Variants in EFNA5 observed in about 807,000 individuals in gnomAD.
EFNA5 encodes the protein ephrin-A5.
In EFNA5, 5 loss-of-function variants were observed where a neutral mutation model predicts 22.9. The ratio of observed to expected loss-of-function variants is 0.22; its 90% CI spans 0.11 to 0.46. EFNA5 has a LOEUF of 0.46. EFNA5 is among the 20% of genes least tolerant of loss of function. The pLI is 0.99. For missense variants in EFNA5, 237 were observed against 293.3 expected (o/e 0.81, Z 1.40); for synonymous variants, 113 against 112.2 (o/e 1.01, Z -0.04).
At chr5:107,611,404 C>T (rs1398714510) in intron 1 of EFNA5, among the ~76,000 whole-genome samples, 2 of 152,162 alleles carry the variant, frequency 1.3e-5, no homozygotes, top group East Asian at 3.8e-4. Context: ...CCCACAAAAA[C>T]CTATGTTTGT....
At chr5:107,510,162 T>C (rs1252634604) in intron 1 of EFNA5, among the ~76,000 whole-genome samples, 1 of 152,208 alleles carries the variant, frequency 6.6e-6, no homozygotes, top group Non-Finnish European at 1.5e-5. Flanking sequence ...AAAACCAAGA[T>C]GGCCATGAAT....
At chr5:107,436,544 C>A (rs1749115120) in intron 1 of EFNA5, among the ~76,000 whole-genome samples, 1 of 152,170 alleles carries the variant, frequency 6.6e-6, no homozygotes, top group Non-Finnish European at 1.5e-5. Context: ...AGACGTCACT[C>A]CCACAATGCA....
chr5:107,540,288 A>T (rs78581822), intron 1 of EFNA5, among the ~76,000 whole-genome samples: 2,412 of 152,344 alleles, frequency 0.016, 65 homozygotes, highest in African/African-American at 0.055. Context: ...ATTCTAATGT[A>T]TAATCTAAAA....
rs897987874 is a variant in EFNA5 at position 107,670,554 on chromosome 5, G to A, written c.60C>T (p.Ser20=). 2 of 1,597,720 alleles carry A rather than the reference G, an allele frequency of 1.3e-6. No individual in the cohort carries two copies. Among genetic ancestry groups the A allele is most frequent in the African/African-American group, 1.3e-5 (1 of 74,322 alleles). ...CGACGGCCTTGGAGCCCGGGTCCTG[G>A]CTGAACACACACATCCAGAGCACCA... ...VFLVLWMCVF[S]QDPGSKAVAD... The change falls in exon 1 of 5, where the codon AGC becomes AGT. Residue 20 remains serine, a synonymous_variant. Coordinates refer to ENST00000333274, the MANE Select transcript of EFNA5 (RefSeq NM_001962.3).
At chr5:107,533,762 G>A (rs1460540083) in intron 1 of EFNA5, among the ~76,000 whole-genome samples, 2 of 152,098 alleles carry the variant, frequency 1.3e-5, no homozygotes, top group Non-Finnish European at 2.9e-5. Context: ...CCATTTAATG[G>A]ACTCCCCCAA....
Position 107,552,067 on chromosome 5 carries a change from C to T in EFNA5, c.125+118422G>A, listed in dbSNP as rs369281181. On this transcript the variant is annotated intron_variant, in intron 1 of 4. Transcript: ENST00000333274. ...TTTTTTTTTTCAATATTGCCAAATG[C>T]ATACACTATAAAAAGTGACTTAAAA... Among the ~76,000 whole-genome samples, 77 of 151,990 alleles carry T rather than the reference C, an allele frequency of 5.1e-4. No individual in the cohort carries two copies. In the South Asian group the frequency reaches 0.015, roughly 30 times the overall value.
chr5:107,596,785 GA>G (rs1378162509), intron 1 of EFNA5, among the ~76,000 whole-genome samples: 1 of 150,414 alleles, frequency 6.6e-6, no homozygotes, highest in East Asian at 1.9e-4. Flanking sequence ...TAGACATGAG[GA>G]AAAAAAAATA....
rs189186283 is a variant in EFNA5, at chr5:107,471,140, C to T, written c.126-43631G>A. Among the ~76,000 whole-genome samples, 175 of 152,300 alleles carry T rather than the reference C, an allele frequency of 1.1e-3. 1 individual carries two copies. The highest frequency in any genetic ancestry group is 3.4e-3 in the Middle Eastern group (1 of 294). ...TTAGGAACCCCAGTGACTCCCTATT[C>T]TGTAAAATCAATTCTAATTTGTGCT... On this transcript the variant is annotated intron_variant, in intron 1 of 4. Coordinates refer to ENST00000333274, the MANE Select transcript of EFNA5 (RefSeq NM_001962.3).
chr5:107,508,361 C>G (rs1002500705), intron 1 of EFNA5, among the ~76,000 whole-genome samples: 1 of 152,184 alleles, frequency 6.6e-6, no homozygotes, highest in African/African-American at 2.4e-5. Flanking sequence ...ATAGAAGCAG[C>G]TCTCTGGATA....
intron 1 of EFNA5, among the ~76,000 whole-genome samples, chr5:107,589,099 CA>C (rs1749257763): frequency 6.6e-6 from 1 of 152,206 alleles, no homozygotes; most frequent in Admixed American, 6.5e-5. Flanking sequence ...CTTGCCATTT[CA>C]AGTGGCTGCA....
intron 1 of EFNA5, among the ~76,000 whole-genome samples, chr5:107,528,814 A>G (rs1747751429): frequency 6.6e-6 from 1 of 152,208 alleles, no homozygotes; most frequent in South Asian, 2.1e-4. Context: ...ATAAGCAATA[A>G]ATTGTGACTG....
intron 1 of EFNA5, among the ~76,000 whole-genome samples, chr5:107,660,261 C>CATATATATATATATATAT (rs56838945): frequency 5.7e-5 from 3 of 52,440 alleles, no homozygotes; most frequent in African/African-American, 1.4e-4. Flanking sequence ...ATGGCAAAAA[C>CATATATATATATATATAT]ATATATATAT....
chr5:107,633,113 T>C (rs1040344763), intron 1 of EFNA5, among the ~76,000 whole-genome samples: 5 of 152,218 alleles, frequency 3.3e-5, no homozygotes, highest in East Asian at 1.9e-4. Context: ...TTTTTTAAAA[T>C]GCATTCTGCT....
intron 1 of EFNA5, among the ~76,000 whole-genome samples, chr5:107,616,447 A>C (rs564548326): frequency 2.0e-5 from 3 of 152,304 alleles, no homozygotes; most frequent in Admixed American, 2.0e-4. Flanking sequence ...GGACTTGAAA[A>C]ATTTCTGCAG....
At chr5:107,525,289 T>C (rs912495366) in intron 1 of EFNA5, among the ~76,000 whole-genome samples, 6 of 152,312 alleles carry the variant, frequency 3.9e-5, no homozygotes, top group African/African-American at 1.2e-4. Flanking sequence ...GATATGTGTG[T>C]GTGTATATAT....
At chr5:107,627,889 A>G (rs769811285) in intron 1 of EFNA5, among the ~76,000 whole-genome samples, 7 of 152,200 alleles carry the variant, frequency 4.6e-5, no homozygotes, top group Non-Finnish European at 1.0e-4. Flanking sequence ...TACATTTATT[A>G]TCTCCATCAG....
chr5:107,567,581 G>T (rs1030452089), intron 1 of EFNA5, among the ~76,000 whole-genome samples: 1 of 152,154 alleles, frequency 6.6e-6, no homozygotes, highest in Non-Finnish European at 1.5e-5. Context: ...CCCCAGGTTG[G>T]GATGTCCGAA....
rs1320887283 is a variant in EFNA5, at chr5:107,386,413, A to G, written c.565+822T>C. ...TAATCTAGTTTTATTAAATGGCCAG[A>G]CTGAATTGATAACCGAATGGATATT... On this transcript the variant is annotated intron_variant, in intron 4 of 4. Transcript: ENST00000333274. Among the ~76,000 whole-genome samples, 4 of 152,134 alleles carry G rather than the reference A, an allele frequency of 2.6e-5. No individual in the cohort carries two copies. In the East Asian group the frequency reaches 7.7e-4, roughly 29 times the overall value.
intron 2 of EFNA5, among the ~76,000 whole-genome samples, chr5:107,422,181 G>A (rs185442778): frequency 1.4e-3 from 211 of 152,226 alleles, no homozygotes; most frequent in Non-Finnish European, 2.5e-3. Context: ...TAACTTTTCT[G>A]GGCCTCAGTT....
Sources: gnomAD v4.1 joint callset for allele counts (sites outside exome capture counted in the v4.1 genomes callset) on GRCh38, gnomAD v4.1.1 for gene constraint, MANE v1.5 for transcripts, NCBI Gene and HGNC (gene_info 2026-07-23, HGNC 2026-07-21) for gene names.